The following EYS variants were observed in gnomAD, a reference collection of about 807,000 sequenced individuals.
The protein encoded by EYS is EGF-like photoreceptor maintenance factor, also known as protein eyes shut homolog.
A neutral mutation model predicts 282.1 loss-of-function variants in EYS; 250 were observed. The ratio of observed to expected loss-of-function variants is 0.89; its 90% CI spans 0.80 to 0.98. The LOEUF is 0.98. EYS is among the 50% of genes least tolerant of loss of function. EYS has a pLI of 0.00. For missense variants in EYS, 4,016 were observed against 3,709.0 expected (o/e 1.08, Z -2.15); for synonymous variants, 1,355 against 1,282.9 (o/e 1.06, Z -1.20).
rs549587762 is a variant in EYS at position 65,090,778 on chromosome 6, A to G, written c.2024-33051T>C. Among the ~76,000 whole-genome samples the G allele has an allele frequency of 2.0e-5, 3 of 152,188 alleles. No homozygotes were observed. In the East Asian group the frequency reaches 5.8e-4, roughly 30 times the overall value. ...TATTTACTTGTCAAAGTAATAGACA[A>G]AGTAATAGACAAAGTAATTGACAAA... On this transcript the variant is annotated intron_variant, in intron 12 of 42. Transcript: ENST00000503581.
intron 12 of EYS, among the ~76,000 whole-genome samples, chr6:65,125,682 A>G (rs1775698738): frequency 6.6e-6 from 1 of 152,110 alleles, no homozygotes; most frequent in Non-Finnish European, 1.5e-5. Flanking sequence ...CCTCACATCT[A>G]TAAAAAGTGG....
chr6:64,092,426 T>G (rs1309886792), intron 31 of EYS, among the ~76,000 whole-genome samples: 1 of 152,006 alleles, frequency 6.6e-6, no homozygotes, highest in Admixed American at 6.6e-5. Flanking sequence ...GTTTCCTGAC[T>G]TTTTAATGAT....
Position 65,144,222 on chromosome 6 carries a change from T to C in EYS, c.2024-86495A>G, listed in dbSNP as rs534108145. 8.0e-4 allele frequency among the ~76,000 whole-genome samples: 122 copies of C among 152,236 alleles called. 2 individuals are homozygous for C. Among genetic ancestry groups the C allele is most frequent in the South Asian group, 5.6e-3 (27 of 4,826 alleles). On this transcript the variant is annotated intron_variant, in intron 12 of 42. Transcript: ENST00000503581. ...ATCAGCTCAAACTTCACATCTTGGCTAAATATCTGTGTCACATATATTACA... is the reference window on the plus strand; with the variant it reads ...ATCAGCTCAAACTTCACATCTTGGCCAAATATCTGTGTCACATATATTACA...
At chr6:64,283,120 A>G (rs958281749) in intron 30 of EYS, among the ~76,000 whole-genome samples, 4 of 152,112 alleles carry the variant, frequency 2.6e-5, no homozygotes, top group Admixed American at 1.3e-4. Flanking sequence ...GGAATATACA[A>G]TCTTCATTTT....
chr6:64,652,696 T>C (rs1345716922), intron 22 of EYS, among the ~76,000 whole-genome samples: 1 of 152,162 alleles, frequency 6.6e-6, no homozygotes, highest in Non-Finnish European at 1.5e-5. Flanking sequence ...TGCAGCAATA[T>C]GAAACTAATA....
chr6:64,228,439 T>C lies in EYS; in HGVS notation c.6424+2153A>G, dbSNP rs1766316253. The stretch of plus-strand genomic sequence containing the variant: ...TACATTAATTTTGTTTAGTATATCA[T>C]GTGCCTCAGTATTAATGAATTAAAG... On this transcript the variant is annotated intron_variant, in intron 31 of 42. Coordinates refer to ENST00000503581, the MANE Select transcript of EYS (RefSeq NM_001142800.2). Among the ~76,000 whole-genome samples the C allele has an allele frequency of 2.6e-5, 4 of 152,270 alleles. No individual in the cohort carries two copies. The South Asian group carries it at 6.2e-4, about 24-fold the overall frequency.
chr6:63,815,737 G>A (rs1220780061), intron 36 of EYS, among the ~76,000 whole-genome samples: 1 of 152,206 alleles, frequency 6.6e-6, no homozygotes, highest in East Asian at 1.9e-4. Context: ...TAAAAAACTG[G>A]TTTAAAAGAT....
intron 30 of EYS, among the ~76,000 whole-genome samples, chr6:64,298,313 A>T (rs6902214): frequency 0.69 from 104,288 of 151,978 alleles, 35,820 homozygotes; most frequent in South Asian, 0.71. Flanking sequence ...TGTTTTCTAA[A>T]TAATTTAAAA....
At chr6:64,400,138 G>T (rs1236124005) in intron 28 of EYS, among the ~76,000 whole-genome samples, 1 of 151,936 alleles carries the variant, frequency 6.6e-6, no homozygotes, top group Non-Finnish European at 1.5e-5. Flanking sequence ...GTTTTTCCTT[G>T]AAAGTTAGGA....
chr6:65,057,808 C>A, intron 12 of EYS, 81 bp from the exon 13 acceptor site: 5 of 957,924 alleles, frequency 5.2e-6, no homozygotes, highest in Non-Finnish European at 8.2e-6. Context: ...TTTGCACAAG[C>A]CTTTAATCCA....
At chr6:65,409,655 A>T (rs1195084742) in intron 5 of EYS, among the ~76,000 whole-genome samples, 3 of 152,152 alleles carry the variant, frequency 2.0e-5, no homozygotes, top group African/African-American at 4.8e-5. Context: ...TTTCATCCAA[A>T]TCACTATATA....
intron 14 of EYS, among the ~76,000 whole-genome samples, chr6:64,960,432 G>A (rs919071013): frequency 6.6e-6 from 1 of 152,060 alleles, no homozygotes; most frequent in African/African-American, 2.4e-5. Flanking sequence ...TTTTAACAAT[G>A]TAGAACCTAG....
At chr6:64,190,824 AG>A (rs1664742867) in intron 31 of EYS, among the ~76,000 whole-genome samples, 1 of 152,192 alleles carries the variant, frequency 6.6e-6, no homozygotes, top group Non-Finnish European at 1.5e-5. Context: ...TTTATGTCCA[AG>A]TAATGCATTA....
At chr6:63,804,427 A>T (rs909358147) in intron 37 of EYS, among the ~76,000 whole-genome samples, 22 of 152,390 alleles carry the variant, frequency 1.4e-4, no homozygotes, top group African/African-American at 3.8e-4. Context: ...AAATAGAGGC[A>T]CAAAGACATT....
rs144135567 is a variant in EYS at position 64,289,392 on chromosome 6, G to A, written c.6191+17578C>T. On this transcript the variant is annotated intron_variant, in intron 30 of 42. Coordinates refer to ENST00000503581, the MANE Select transcript of EYS (RefSeq NM_001142800.2). ...GAAGAGTGACCCTTGCTTTTGCTTC[G>A]TTTTGTTGTATCCCATATCCCAGCA... 3.1e-3 allele frequency among the ~76,000 whole-genome samples: 465 copies of A among 151,978 alleles called. 2 individuals are homozygous for A. Among genetic ancestry groups the A allele is most frequent in the Middle Eastern group, 0.01 (3 of 294 alleles).
intron 16 of EYS, among the ~76,000 whole-genome samples, chr6:64,908,853 C>A (rs928362535): frequency 2.4e-4 from 37 of 152,060 alleles, no homozygotes; most frequent in African/African-American, 8.9e-4. Flanking sequence ...TAGGAAAGGG[C>A]AGGTATATGT....
Position 64,591,811 on chromosome 6 carries a change from A to G in EYS, c.4056T>C (p.Asn1352=). 6.4e-7 allele frequency: 1 copy of G among 1,551,316 alleles called. No homozygotes were observed. The change falls in exon 26 of 43, where the codon AAT becomes AAC. Residue 1352 remains asparagine, a synonymous_variant. Coordinates refer to ENST00000503581, the MANE Select transcript of EYS (RefSeq NM_001142800.2). ...SADVSSSRFL[N]FGIRDPAQIV... is the part of the protein sequence containing the mutation. ...TTTGTGCTGGGTCACGAATACCAAA[A>G]TTCAGGAATCGAGAAGAGGAAACAT...
At chr6:65,242,871 G>A (rs1351856953) in intron 12 of EYS, among the ~76,000 whole-genome samples, 1 of 151,902 alleles carries the variant, frequency 6.6e-6, no homozygotes, top group Non-Finnish European at 1.5e-5. Flanking sequence ...AATGACTAAT[G>A]ATGTCAAGTA....
At chr6:64,436,974 G>A (rs1358171026) in intron 27 of EYS, among the ~76,000 whole-genome samples, 3 of 151,624 alleles carry the variant, frequency 2.0e-5, no homozygotes, top group African/African-American at 4.8e-5. Context: ...TAACCCACAT[G>A]TGTTAAGAAA....
Sources: allele counts gnomAD v4.1 joint callset (sites outside exome capture counted in the v4.1 genomes callset), GRCh38; gene constraint gnomAD v4.1.1; transcripts MANE v1.5; gene names NCBI Gene and HGNC (gene_info 2026-07-23, HGNC 2026-07-21).